TRAM2: variants seen among roughly 807,000 people sequenced by gnomAD.
TRAM2 encodes translocation associated membrane protein 2, also known as translocating chain-associated membrane protein 2.
TRAM2 carries 12 observed loss-of-function variants against 51.0 expected under a neutral mutation model. That is an observed-to-expected ratio of 0.24 (90% confidence interval 0.15 to 0.38). The LOEUF is 0.38. Among genes scored for constraint, TRAM2 ranks in the 10% least tolerant of loss-of-function variants. The pLI, the probability that TRAM2 is intolerant of heterozygous loss-of-function variation, is 1.00. For missense variants in TRAM2, 361 were observed against 462.0 expected, an observed-to-expected ratio of 0.78 and a Z score of 2.00; for synonymous variants, 175 against 179.4, an observed-to-expected ratio of 0.98 and a Z score of 0.20.
At chr6:52,574,347 C>G (rs1483105573) in intron 1 of TRAM2, among the ~76,000 whole-genome samples, 1 of 152,310 alleles carries the variant, frequency 6.6e-6, no homozygotes, top group East Asian at 1.9e-4. Context: ...TCCCCCTCCC[C>G]ACCCCCAGGA....
intron 4 of TRAM2, among the ~76,000 whole-genome samples, chr6:52,512,802 A>G (rs1277222530): frequency 6.6e-6 from 1 of 152,228 alleles, no homozygotes; most frequent in Non-Finnish European, 1.5e-5. Context: ...ACATAAATTC[A>G]GACATACCTT....
intron 1 of TRAM2, among the ~76,000 whole-genome samples, chr6:52,576,201 A>G (rs1767761793): frequency 6.6e-6 from 1 of 152,244 alleles, no homozygotes; most frequent in Middle Eastern, 3.2e-3. Context: ...TTGGCCTTCT[A>G]GAGCACAGCA....
intron 2 of TRAM2, among the ~76,000 whole-genome samples, chr6:52,522,543 T>C (rs1766697193): frequency 6.6e-6 from 1 of 152,242 alleles, no homozygotes; most frequent in Non-Finnish European, 1.5e-5. Flanking sequence ...CCAACCTTCA[T>C]GACCCCTGAT....
At chr6:52,555,886 A>G (rs1413635787) in intron 1 of TRAM2, among the ~76,000 whole-genome samples, 5 of 152,344 alleles carry the variant, frequency 3.3e-5, no homozygotes, top group African/African-American at 7.2e-5. Context: ...TGGAAGAGCT[A>G]TAGGAGATCT....
intron 10 of TRAM2, among the ~76,000 whole-genome samples, chr6:52,504,262 C>T (rs982233519): frequency 1.3e-5 from 2 of 152,210 alleles, no homozygotes; most frequent in Admixed American, 6.5e-5. Context: ...TGGGCGGCGG[C>T]GGCAGTAGCA....
intron 10 of TRAM2, among the ~76,000 whole-genome samples, chr6:52,503,766 G>A (rs538330824): frequency 6.6e-6 from 1 of 152,174 alleles, no homozygotes; most frequent in Non-Finnish European, 1.5e-5. Context: ...CAAGCAGGAT[G>A]CCTGACACTC....
chr6:52,573,501 A>T (rs1767714289), intron 1 of TRAM2, among the ~76,000 whole-genome samples: 1 of 152,164 alleles, frequency 6.6e-6, no homozygotes, highest in Non-Finnish European at 1.5e-5. Context: ...TGCACAGAGC[A>T]GCTTCTCTAT....
intron 1 of TRAM2, among the ~76,000 whole-genome samples, chr6:52,572,518 G>A (rs138692908): frequency 3.3e-5 from 5 of 152,336 alleles, no homozygotes; most frequent in Non-Finnish European, 4.4e-5. Flanking sequence ...CAAGAGAATC[G>A]CTGGAACCTG....
chr6:52,525,034 CAT>C (rs895406061), intron 2 of TRAM2: 1 of 152,234 alleles, frequency 6.6e-6, no homozygotes, highest in Non-Finnish European at 1.5e-5. Flanking sequence ...GAGCACCTCT[CAT>C]GGGAACATTT....
At chr6:52,561,073 ATACATGC>A (rs1767490942) in intron 1 of TRAM2, among the ~76,000 whole-genome samples, 1 of 152,236 alleles carries the variant, frequency 6.6e-6, no homozygotes, top group Non-Finnish European at 1.5e-5. Context: ...TGAAATACTG[ATACATGC>A]TACAGCATAG....
chr6:52,552,463 A>T (rs1767325936), intron 1 of TRAM2, among the ~76,000 whole-genome samples: 1 of 152,222 alleles, frequency 6.6e-6, no homozygotes, highest in Non-Finnish European at 1.5e-5. Flanking sequence ...AGAAAAGTGC[A>T]GTGAGGAGGC....
intron 1 of TRAM2, among the ~76,000 whole-genome samples, chr6:52,536,723 C>G (rs575315424): frequency 1.3e-5 from 2 of 152,170 alleles, no homozygotes; most frequent in African/African-American, 4.8e-5. Flanking sequence ...GGCCCAGCTG[C>G]TAGCGTTGTT....
In TRAM2 at chr6:52,497,764, G is replaced by C. The variant is rs1051190278; in HGVS notation, c.*5433C>G. ...AGATGTTTTTTTAAACAGAGGAACC[G>C]AAAAATGAGGTTTACAGTCTCATCA... On this transcript the variant is annotated 3_prime_UTR_variant, in exon 11 of 11. Transcript: ENST00000182527. 1 of 152,500 alleles carries C rather than the reference G, an allele frequency of 6.6e-6. No homozygotes were observed. Among genetic ancestry groups the C allele is most frequent in the Admixed American group, 6.6e-5 (1 of 15,262 alleles). 9.4% of individuals were successfully genotyped at this position (152,500 alleles called of 1,614,324 possible).
At chr6:52,567,089 A>G (rs111870978) in intron 1 of TRAM2, among the ~76,000 whole-genome samples, 14,654 of 152,316 alleles carry the variant, frequency 0.096, 837 homozygotes, top group Non-Finnish European at 0.12. Flanking sequence ...ACAAGGGGCA[A>G]GAGGTCAAAA....
At chr6:52,540,417 C>A (rs1008231144) in intron 1 of TRAM2, among the ~76,000 whole-genome samples, 3 of 152,120 alleles carry the variant, frequency 2.0e-5, no homozygotes, top group Non-Finnish European at 2.9e-5. Context: ...AAATGCATTC[C>A]AGGAAGTCCT....
chr6:52,525,065 G>A (rs533286824), intron 2 of TRAM2: 7 of 152,354 alleles, frequency 4.6e-5, no homozygotes, highest in African/African-American at 7.2e-5. Context: ...GAGTAATCCC[G>A]GGATTATCTC....
intron 1 of TRAM2, among the ~76,000 whole-genome samples, chr6:52,549,232 C>CCCTTCCTT (rs1767263922): frequency 6.6e-6 from 1 of 151,076 alleles, no homozygotes; most frequent in Non-Finnish European, 1.5e-5. Flanking sequence ...AGCTTTCCTT[C>CCCTTCCTT]CCTTCCTTCC....
Position 52,576,851 on chromosome 6 carries a change from T to C in TRAM2, c.65A>G (p.His22Arg). 1.2e-6 allele frequency: 2 copies of C among 1,613,860 alleles called. No homozygotes were observed. Reference protein sequence around the residue: ...LFSQEFVIHNHADIGFCLVLC... With the variant: ...LFSQEFVIHNRADIGFCLVLC... ...CACCAGGCAGAAGCCGATGTCCGCA[T>C]GGTTGTGGATGACGAACTCCTGGCT... Residue 22 changes from histidine to arginine, a missense_variant, in exon 1 of 11, where the codon CAT becomes CGT. His to Arg is a conservative substitution (Grantham distance 29, BLOSUM62 0). Coordinates refer to ENST00000182527, the MANE Select transcript of TRAM2 (RefSeq NM_012288.4).
At chr6:52,507,001 C>G (rs1257561217) in intron 7 of TRAM2, among the ~76,000 whole-genome samples, 1 of 152,212 alleles carries the variant, frequency 6.6e-6, no homozygotes, top group African/African-American at 2.4e-5. Context: ...TTATCAATGA[C>G]ACAGCTTATT....
Sources: gnomAD v4.1 joint callset for allele counts (sites outside exome capture counted in the v4.1 genomes callset) on GRCh38, gnomAD v4.1.1 for gene constraint, MANE v1.5 for transcripts, NCBI Gene and HGNC (gene_info 2026-07-23, HGNC 2026-07-21) for gene names.